Variants in CDK5RAP2 observed in about 807,000 individuals in gnomAD.
The protein encoded by CDK5RAP2 is CDK5 regulatory subunit-associated protein 2.
A neutral mutation model predicts 232.9 loss-of-function variants in CDK5RAP2; 147 were observed. The observed-to-expected ratio is 0.63, with a 90% CI of 0.55 to 0.72. The LOEUF is 0.72. Ranked by LOEUF, CDK5RAP2 falls within the 30% of genes least tolerant of loss-of-function variation. The probability of loss-of-function intolerance (pLI) is 0.00; values close to 1 mark genes in which losing one functional copy is unlikely to be tolerated. For synonymous variants in CDK5RAP2, 833 were observed against 833.7 expected (o/e 1.00, Z 0.01); for missense variants, 2,195 against 2,231.5 (o/e 0.98, Z 0.33).
chr9:120,578,243 G>A (rs1330371499), intron 1 of CDK5RAP2, among the ~76,000 whole-genome samples: 1 of 152,156 alleles, frequency 6.6e-6, no homozygotes, highest in Non-Finnish European at 1.5e-5. Flanking sequence ...CTCCAGCCTG[G>A]TCACAAAGCA....
intron 11 of CDK5RAP2, among the ~76,000 whole-genome samples, chr9:120,523,895 G>C (rs2040781501): frequency 6.6e-6 from 1 of 152,112 alleles, no homozygotes; most frequent in East Asian, 1.9e-4. Flanking sequence ...AGTCCTTGTA[G>C]TACAACATTG....
At position 120,458,665 on chromosome 9, in the gene CDK5RAP2, A is replaced by C. The variant is rs1189014416; in HGVS notation, c.2203-43T>G. 3 of 1,579,650 alleles carry C rather than the reference A, an allele frequency of 1.9e-6. No individual in the cohort carries two copies. The African/African-American group carries it at 4.0e-5, about 21-fold the overall frequency. ...TGGTCAAATAATGGAATAAGGAGGAAGGGAATGGGGTGTGTGGAGAGAGGA... is the reference window on the plus strand; with the variant it reads ...TGGTCAAATAATGGAATAAGGAGGACGGGAATGGGGTGTGTGGAGAGAGGA... On this transcript the variant is annotated intron_variant, in intron 19 of 37. Transcript: ENST00000349780.
intron 23 of CDK5RAP2, among the ~76,000 whole-genome samples, chr9:120,440,975 T>C (rs2035864634): frequency 6.6e-6 from 1 of 152,210 alleles, no homozygotes; most frequent in South Asian, 2.1e-4. Context: ...TAGTAATAGC[T>C]AAACCCTTAG....
At chr9:120,465,018 T>A (rs1463195637) in intron 18 of CDK5RAP2, among the ~76,000 whole-genome samples, 1 of 152,270 alleles carries the variant, frequency 6.6e-6, no homozygotes, top group East Asian at 1.9e-4. Context: ...CTTGTCAACA[T>A]GACAGCCCTA....
intron 3 of CDK5RAP2, among the ~76,000 whole-genome samples, chr9:120,567,171 T>A (rs999382842): frequency 6.6e-6 from 1 of 152,230 alleles, no homozygotes; most frequent in African/African-American, 2.4e-5. Flanking sequence ...CAAATCTCAT[T>A]CGTTTGAGGC....
At chr9:120,412,925 C>T (rs1404101501) in intron 28 of CDK5RAP2, among the ~76,000 whole-genome samples, 1 of 152,250 alleles carries the variant, frequency 6.6e-6, no homozygotes, top group Non-Finnish European at 1.5e-5. Flanking sequence ...CCCCTGCGAA[C>T]TCTGGTATCT....
chr9:120,423,073 A>C (rs1336199668), intron 25 of CDK5RAP2, among the ~76,000 whole-genome samples: 2 of 152,246 alleles, frequency 1.3e-5, no homozygotes, highest in East Asian at 3.8e-4. Flanking sequence ...GAATCAAAAA[A>C]AGATCAATAT....
intron 31 of CDK5RAP2, chr9:120,407,593 T>G: frequency 3.7e-6 from 1 of 273,244 alleles, no homozygotes; most frequent in Admixed American, 4.9e-5. Context: ...CACACTATAT[T>G]AAAAAGACAC....
At chr9:120,408,301 T>C (rs1172116460) in intron 31 of CDK5RAP2, 46 bp downstream of exon 31, 4 of 1,611,840 alleles carry the variant, frequency 2.5e-6, no homozygotes, top group Non-Finnish European at 1.7e-6. Flanking sequence ...CGGGTGGTCT[T>C]ACAGCCCAAA....
chr9:120,414,539 G>A (rs2034088614), intron 28 of CDK5RAP2, among the ~76,000 whole-genome samples: 2 of 152,278 alleles, frequency 1.3e-5, no homozygotes, highest in South Asian at 4.1e-4. Context: ...GGATACAGAA[G>A]AAAAGAAAAA....
intron 14 of CDK5RAP2, among the ~76,000 whole-genome samples, chr9:120,478,271 C>T (rs1242096330): frequency 6.6e-6 from 1 of 152,000 alleles, no homozygotes; most frequent in Non-Finnish European, 1.5e-5. Flanking sequence ...GGCTGATTCC[C>T]GTATTAGGAC....
chr9:120,449,598 G>GGTCTCTTCC (rs2036376803), intron 21 of CDK5RAP2, among the ~76,000 whole-genome samples: 1 of 152,152 alleles, frequency 6.6e-6, no homozygotes, highest in Admixed American at 6.5e-5. Context: ...TCCAACTGGG[G>GGTCTCTTCC]AATTTTAAAC....
chr9:120,483,339 C>A (rs563059137), intron 14 of CDK5RAP2, among the ~76,000 whole-genome samples: 56 of 152,372 alleles, frequency 3.7e-4, no homozygotes, highest in African/African-American at 1.1e-3. Flanking sequence ...GTACAGTTCT[C>A]TCCCAGGAAC....
chr9:120,440,070 A>AG lies in CDK5RAP2; in HGVS notation c.3149-99_3149-98insC. 5.8e-6 allele frequency: 6 copies of AG among 1,030,132 alleles called. 1 individual carries two copies. The South Asian group carries it at 8.0e-5, about 14-fold the overall frequency. 63.8% of individuals were successfully genotyped at this position (1,030,132 alleles called of 1,614,324 possible). ...TAGCCAAGCCAAGACCACTGCAGTG[A>AG]CCTAACAAGCCTCCCTCAAAAAGGC... On this transcript the variant is annotated intron_variant, in intron 23 of 37. Coordinates refer to ENST00000349780, the MANE Select transcript of CDK5RAP2 (RefSeq NM_018249.6).
chr9:120,525,555 GAC>G (rs2040860917), intron 10 of CDK5RAP2, among the ~76,000 whole-genome samples: 1 of 151,834 alleles, frequency 6.6e-6, no homozygotes, highest in South Asian at 2.1e-4. Flanking sequence ...CCAGTGTCCT[GAC>G]ACACTGAAGG....
rs757033717 is a variant in CDK5RAP2 at position 120,471,770 on chromosome 9, G to C, written c.1836C>G (p.Ile612Met). 4 of 1,614,134 alleles carry C rather than the reference G, an allele frequency of 2.5e-6. No individual in the cohort carries two copies. In the East Asian group the frequency reaches 6.7e-5, roughly 27 times the overall value. The change falls in exon 16 of 38, where the codon ATC (isoleucine) becomes ATG (methionine). Residue 612 changes from isoleucine to methionine, a missense_variant. By Grantham distance (10) the Ile-to-Met change is conservative (BLOSUM62 1). Coordinates refer to ENST00000349780, the MANE Select transcript of CDK5RAP2 (RefSeq NM_018249.6). ...TACCTTCCCGCCTCCGAATTTCGCT[G>C]ATCTGCTCCTCCAAGGTCTTCCGCA... ...QNLRKTLEEQ[I>M]SEIRRREEES... is the part of the protein sequence containing the mutation.
Position 120,389,096 on chromosome 9 carries a change from G to A in CDK5RAP2, c.*140C>T, listed in dbSNP as rs1008612424. 6 of 789,094 alleles carry A rather than the reference G, an allele frequency of 7.6e-6. No homozygotes were observed. Among genetic ancestry groups the A allele is most frequent in the Non-Finnish European group, 1.3e-5 (6 of 476,694 alleles). 48.9% of individuals were successfully genotyped at this position (789,094 alleles called of 1,614,324 possible). On this transcript the variant is annotated 3_prime_UTR_variant, in exon 38 of 38. Transcript: ENST00000349780. Reference sequence around the variant, plus strand: ...AACAACTCTCAAGCCAACTTTCAGAGAGAAAACATGAAGGGAAAAAATAGA... The same window carrying A: ...AACAACTCTCAAGCCAACTTTCAGAAAGAAAACATGAAGGGAAAAAATAGA...
At chr9:120,545,893 C>A in intron 4 of CDK5RAP2, 103 bp from the exon 5 acceptor site, 1 of 890,114 alleles carries the variant, frequency 1.1e-6, no homozygotes, top group Non-Finnish European at 1.9e-6. Context: ...CTACAGGATG[C>A]TTGTAATAGG....
intron 25 of CDK5RAP2, among the ~76,000 whole-genome samples, chr9:120,428,318 G>A (rs2035048872): frequency 6.6e-6 from 1 of 152,160 alleles, no homozygotes; most frequent in African/African-American, 2.4e-5. Flanking sequence ...GAATCCAGGA[G>A]CTGGTTTTGT....
Sources: gnomAD v4.1 joint callset for allele counts (sites outside exome capture counted in the v4.1 genomes callset) on GRCh38, gnomAD v4.1.1 for gene constraint, MANE v1.5 for transcripts, NCBI Gene and HGNC (gene_info 2026-07-23, HGNC 2026-07-21) for gene names.